The following SLC35D1 variants were observed in gnomAD, a reference collection of about 807,000 sequenced individuals.
SLC35D1 encodes nucleotide sugar transporter SLC35D1.
A neutral mutation model predicts 46.7 loss-of-function variants in SLC35D1; 31 were observed. The observed-to-expected ratio is 0.66, with a 90% confidence interval of 0.50 to 0.90. SLC35D1 has a LOEUF of 0.90. SLC35D1 is among the 40% of genes least tolerant of loss of function. SLC35D1 has a pLI of 0.00. For synonymous variants in SLC35D1, 195 were observed against 164.6 expected, an observed-to-expected ratio of 1.18 and a Z score of -1.41; for missense variants, 397 against 426.2, an observed-to-expected ratio of 0.93 and a Z score of 0.60.
chr1:67,016,610 T>G (rs968141637), intron 10 of SLC35D1, among the ~76,000 whole-genome samples: 1 of 152,180 alleles, frequency 6.6e-6, no homozygotes, highest in African/African-American at 2.4e-5. Flanking sequence ...AAACTTTTTT[T>G]TCTTCTAAAC....
Position 67,004,281 on chromosome 1 carries a change from C to T in SLC35D1, c.*59G>A. 1.4e-6 allele frequency: 2 copies of T among 1,392,256 alleles called. No homozygotes were observed. The highest frequency in any genetic ancestry group is 1.2e-5 in the South Asian group (1 of 86,512). The allele number at this position is 1,392,256 out of a possible 1,614,324, so 86.2% of individuals were successfully genotyped here. A position where few individuals can be genotyped will look rare whatever the true frequency, so the allele number is the denominator to read the frequency against. ...CACCTCAGTGTCTCTGTAGGAACTG[C>T]CAGTGTTCTGAGTTGATTAAAAACT... On this transcript the variant is annotated 3_prime_UTR_variant, in exon 12 of 12. Coordinates refer to ENST00000235345, the MANE Select transcript of SLC35D1 (RefSeq NM_015139.3).
intron 8 of SLC35D1, among the ~76,000 whole-genome samples, chr1:67,026,527 A>C (rs1667917390): frequency 6.6e-6 from 1 of 152,162 alleles, no homozygotes; most frequent in Non-Finnish European, 1.5e-5. Context: ...ATGTAGAATT[A>C]TTATTTCTTC....
At chr1:66,994,877 A>C (rs1463964767), downstream of SLC35D1, among the ~76,000 whole-genome samples, 3 of 151,508 alleles carry the variant, frequency 2.0e-5, no homozygotes, top group Admixed American at 6.6e-5. Flanking sequence ...AAATGTTCCC[A>C]AAGTTAAAAT....
intron 8 of SLC35D1, among the ~76,000 whole-genome samples, chr1:67,034,925 C>T (rs1321681998): frequency 6.6e-6 from 1 of 152,054 alleles, no homozygotes; most frequent in Non-Finnish European, 1.5e-5. Context: ...TCGAAATGAT[C>T]ATTTGGTTGT....
chr1:66,979,019 T>G, the SLC35D1 span, among the ~76,000 whole-genome samples: 1 of 152,216 alleles, frequency 6.6e-6, no homozygotes, highest in Non-Finnish European at 1.5e-5. Flanking sequence ...TATAATGGTA[T>G]GACGTGAACT....
At chr1:66,990,838 G>A in the SLC35D1 span, among the ~76,000 whole-genome samples, 6 of 152,070 alleles carry the variant, frequency 3.9e-5, no homozygotes, top group African/African-American at 1.4e-4. Context: ...GGTTTTGCAT[G>A]ACTATTTCCC....
chr1:66,981,438 T>C, the SLC35D1 span, among the ~76,000 whole-genome samples: 1 of 152,210 alleles, frequency 6.6e-6, no homozygotes, highest in Non-Finnish European at 1.5e-5. Flanking sequence ...GAAATTCTTT[T>C]GTACTTTTAC....
In SLC35D1 at chr1:67,021,689, CCTCCAACACAGACACAGACACAGA is replaced by C. The variant is rs1558155251; in HGVS notation, c.730-111_730-88del. On this transcript the variant is annotated intron_variant, in intron 8 of 11. Coordinates refer to ENST00000235345, the MANE Select transcript of SLC35D1 (RefSeq NM_015139.3). ...TAATGTAAATCCTTCTACGAGTCTG[CCTCCAACACAGACACAGACACAGA>C]CACAGACACAGACACACACACACAC... 5 of 590,626 alleles carry C rather than the reference CCTCCAACACAGACACAGACACAGA, an allele frequency of 8.5e-6. 1 individual carries two copies. In the Admixed American group the frequency reaches 8.5e-5, roughly 10 times the overall value. 36.6% of individuals were successfully genotyped at this position (590,626 alleles called of 1,614,324 possible).
chr1:67,010,459 G>A (rs972108855), intron 10 of SLC35D1, among the ~76,000 whole-genome samples: 1 of 152,156 alleles, frequency 6.6e-6, no homozygotes, highest in Non-Finnish European at 1.5e-5. Context: ...GTCATCTCAA[G>A]ATATTATACC....
chr1:67,028,406 T>C (rs1472659713), intron 8 of SLC35D1, among the ~76,000 whole-genome samples: 1 of 152,232 alleles, frequency 6.6e-6, no homozygotes, highest in Non-Finnish European at 1.5e-5. Flanking sequence ...CCAGTTTCAC[T>C]GTTTTATCAA....
rs751348978 is a variant in SLC35D1, at chr1:67,054,004, C to A, written c.10G>T (p.Val4Phe). 9.3e-6 allele frequency: 15 copies of A among 1,610,454 alleles called. No individual in the cohort carries two copies. Among genetic ancestry groups the A allele is most frequent in the African/African-American group, 1.3e-5 (1 of 74,914 alleles). ...ACCCGAGCATGCTGACGTCTATGAA[C>A]TTCCGCCATGGCTGCCGCAGCAGCG... Reference protein sequence around the residue: MAEVHRRQHARVKG... With the variant: MAEFHRRQHARVKG... The change falls in exon 1 of 12, where the codon GTT (valine) becomes TTT (phenylalanine). Residue 4 changes from valine (V) to phenylalanine (F), a missense_variant. Physicochemically the swap from Val to Phe is conservative, Grantham distance 50. Transcript: ENST00000235345.
chr1:66,986,772 A>G, the SLC35D1 span: 1 of 255,960 alleles, frequency 3.9e-6, no homozygotes, highest in Non-Finnish European at 7.4e-6. Context: ...TGTTTTACTT[A>G]AAACTTTTAA....
At chr1:66,975,578 A>C in the SLC35D1 span, among the ~76,000 whole-genome samples, 1 of 152,146 alleles carries the variant, frequency 6.6e-6, no homozygotes, top group African/African-American at 2.4e-5. Flanking sequence ...ATTTATATAC[A>C]TCAGCCCTAA....
chr1:67,008,626 T>C (rs961318199), intron 11 of SLC35D1, among the ~76,000 whole-genome samples: 3 of 152,194 alleles, frequency 2.0e-5, no homozygotes, highest in Non-Finnish European at 4.4e-5. Context: ...CACAGTCTAC[T>C]TCTCCTAAAC....
At chr1:66,975,944 T>C in the SLC35D1 span, among the ~76,000 whole-genome samples, 1 of 152,104 alleles carries the variant, frequency 6.6e-6, no homozygotes, top group Non-Finnish European at 1.5e-5. Flanking sequence ...TAGCAAACTG[T>C]TTATAACATT....
chr1:66,995,663 G>C (rs12040802), downstream of SLC35D1, among the ~76,000 whole-genome samples: 1 of 151,910 alleles, frequency 6.6e-6, no homozygotes, highest in African/African-American at 2.4e-5. Flanking sequence ...GAGTGGGACA[G>C]AGGCCCTAGA....
chr1:67,032,192 A>G (rs1040864627), intron 8 of SLC35D1: 2 of 594,318 alleles, frequency 3.4e-6, no homozygotes, highest in Non-Finnish European at 4.2e-6. Flanking sequence ...GTGCCAGTAT[A>G]ATGTAAATAC....
chr1:67,046,443 A>G (rs1459769387), intron 7 of SLC35D1, among the ~76,000 whole-genome samples: 2 of 135,806 alleles, frequency 1.5e-5, no homozygotes, highest in Non-Finnish European at 3.3e-5. Context: ...TAGGAAAATA[A>G]GATAAAGTCA....
intron 7 of SLC35D1, among the ~76,000 whole-genome samples, chr1:67,046,083 T>G (rs928083224): frequency 6.6e-6 from 1 of 152,128 alleles, no homozygotes; most frequent in Non-Finnish European, 1.5e-5. Flanking sequence ...GGCCAAGACA[T>G]GCATATTTAA....
Sources: gnomAD v4.1 joint callset for allele counts (sites outside exome capture counted in the v4.1 genomes callset) on GRCh38, gnomAD v4.1.1 for gene constraint, MANE v1.5 for transcripts, NCBI Gene and HGNC (gene_info 2026-07-23, HGNC 2026-07-21) for gene names.